Variants in TMEM164 observed in about 807,000 individuals in gnomAD.
TMEM164 encodes the protein RP13-360B22.2.
Under a neutral mutation model 18.8 loss-of-function variants are expected in TMEM164, and 4 were observed. The ratio of observed to expected loss-of-function variants is 0.21; its 90% CI spans 0.10 to 0.49. The LOEUF is 0.49. Ranked by LOEUF, TMEM164 falls within the 20% of genes least tolerant of loss-of-function variation. The pLI, the probability that TMEM164 is intolerant of heterozygous loss-of-function variation, is 0.98. For synonymous variants in TMEM164, 86 were observed against 101.7 expected (o/e 0.85, Z 0.93); for missense variants, 108 against 239.9 (o/e 0.45, Z 3.63).
chrX:110,075,704 C>CTA (rs2065660305), intron 3 of TMEM164, among the ~76,000 whole-genome samples: 1 of 111,965 alleles, frequency 8.9e-6, no homozygotes, highest in African/African-American at 3.2e-5. Context: ...TTTTATTTGA[C>CTA]TATTGAGATG....
intron 6 of TMEM164, among the ~76,000 whole-genome samples, chrX:110,172,508 G>A (rs2067244709): frequency 1.8e-5 from 2 of 111,466 alleles, no homozygotes; most frequent in Non-Finnish European, 3.8e-5. Context: ...CTTAGTCTGA[G>A]CTCCTTGCCA....
chrX:110,171,340 C>A, intron 5 of TMEM164, 80 bp from the exon 6 acceptor site: 1 of 707,855 alleles, frequency 1.4e-6, no homozygotes, highest in Non-Finnish European at 2.2e-6. Context: ...CAGCTGTGAC[C>A]TCAGTACCTG....
intron 3 of TMEM164, among the ~76,000 whole-genome samples, chrX:110,091,928 G>A (rs1378312894): frequency 8.9e-6 from 1 of 111,893 alleles, no homozygotes; most frequent in African/African-American, 3.3e-5. Flanking sequence ...TCTACATATG[G>A]TTAGCCAGTT....
rs1365546703 is a variant in TMEM164, at chrX:110,048,560, GT to G, written c.391-18774del. ...GGACCCTGAGATTTAGAGGGGCCAA[GT>G]TTTTTTTTTTTTCCAAGTCCATAGC... On this transcript the variant is annotated intron_variant, in intron 2 of 6. Transcript: ENST00000372068. Among the ~76,000 whole-genome samples the G allele has an allele frequency of 1.8e-3, 183 of 103,322 alleles. 1 individual carries two copies. Among genetic ancestry groups the G allele is most frequent in the African/African-American group, 5.5e-3 (158 of 28,691 alleles). 89.7% of individuals were successfully genotyped at this position (103,322 alleles called of 115,157 possible). A position where few individuals can be genotyped will look rare whatever the true frequency, so the allele number is the denominator to read the frequency against.
chrX:110,090,554 A>G (rs888407337), intron 3 of TMEM164, among the ~76,000 whole-genome samples: 2 of 110,879 alleles, frequency 1.8e-5, no homozygotes, highest in African/African-American at 6.6e-5. Flanking sequence ...TGACTTTGTG[A>G]TCCGCCTGTC....
chrX:110,056,338 G>A (rs1336586858), intron 2 of TMEM164, among the ~76,000 whole-genome samples: 1 of 111,924 alleles, frequency 8.9e-6, no homozygotes, highest in Non-Finnish European at 1.9e-5. Context: ...ATTCATCTGT[G>A]TTTAGCATGT....
intron 4 of TMEM164, among the ~76,000 whole-genome samples, chrX:110,129,733 C>G (rs1260630684): frequency 1.8e-5 from 2 of 112,038 alleles, no homozygotes; most frequent in African/African-American, 6.5e-5. Context: ...ACCAGGAGGA[C>G]ATTCTAATTC....
Position 110,173,527 on chromosome X carries a change from T to C in TMEM164, c.*76T>C, listed in dbSNP as rs1441063246. The C allele has an allele frequency of 5.5e-6, 5 of 902,875 alleles. No homozygotes were observed. Among genetic ancestry groups the C allele is most frequent in the Non-Finnish European group, 7.7e-6 (5 of 646,332 alleles). 74.4% of individuals were successfully genotyped at this position (902,875 alleles called of 1,213,427 possible). The stretch of plus-strand genomic sequence containing the variant: ...GACTTGGAGAACACCCAGTTCTTGA[T>C]AAAATCATGGGAGAGGGCAGTAGGA... On this transcript the variant is annotated 3_prime_UTR_variant, in exon 7 of 7. Transcript: ENST00000372068.
intron 2 of TMEM164, among the ~76,000 whole-genome samples, chrX:110,041,095 A>G (rs955874): frequency 0.039 from 4,390 of 112,136 alleles, 218 homozygotes; most frequent in African/African-American, 0.13. Context: ...TTTTACTTAA[A>G]TGAATTATCA....
intron 2 of TMEM164, among the ~76,000 whole-genome samples, chrX:110,060,227 A>G (rs1936048569): frequency 9.6e-6 from 1 of 104,677 alleles, no homozygotes; most frequent in African/African-American, 3.5e-5. Context: ...TGATCACACC[A>G]ATGCACTCCA....
chrX:110,097,353 A>G (rs1248755509), intron 3 of TMEM164, among the ~76,000 whole-genome samples: 3 of 112,654 alleles, frequency 2.7e-5, no homozygotes, highest in Non-Finnish European at 3.7e-5. Context: ...CCAGATGTCC[A>G]TCAACATGAC....
intron 4 of TMEM164, among the ~76,000 whole-genome samples, chrX:110,129,034 G>A (rs966381866): frequency 2.7e-5 from 3 of 111,154 alleles, no homozygotes; most frequent in Non-Finnish European, 5.7e-5. Flanking sequence ...TTGACTCCTG[G>A]TTTCCTGTAG....
intron 3 of TMEM164, among the ~76,000 whole-genome samples, chrX:110,085,521 A>G (rs1481443381): frequency 9.1e-6 from 1 of 110,358 alleles, no homozygotes; most frequent in Non-Finnish European, 1.9e-5. Flanking sequence ...CATCAAATAC[A>G]GGGTATGTAG....
intron 4 of TMEM164, among the ~76,000 whole-genome samples, chrX:110,134,686 C>T (rs1272221872): frequency 9.4e-6 from 1 of 106,721 alleles, no homozygotes; most frequent in East Asian, 3.0e-4. Context: ...GGGCTGTGGG[C>T]ATCTGTCCTT....
At chrX:110,105,679 GACACAC>G (rs758900532) in intron 3 of TMEM164, among the ~76,000 whole-genome samples, 4,487 of 65,326 alleles carry the variant, frequency 0.069, 132 homozygotes, top group Non-Finnish European at 0.1. Context: ...TAGAAACACA[GACACAC>G]ACACACACAC....
chrX:110,004,434 A>G (rs1378152332), intron 2 of TMEM164, among the ~76,000 whole-genome samples: 1 of 110,989 alleles, frequency 9.0e-6, no homozygotes, highest in Non-Finnish European at 1.9e-5. Flanking sequence ...CTTCCAGCCC[A>G]GCCCAACCCT....
intron 3 of TMEM164, among the ~76,000 whole-genome samples, chrX:110,093,336 A>T (rs1280834336): frequency 1.8e-5 from 2 of 111,427 alleles, no homozygotes; most frequent in African/African-American, 3.3e-5. Flanking sequence ...TTTTTGTTTG[A>T]TAGGCTATTA....
At chrX:110,060,756 T>G (rs1483427492) in intron 2 of TMEM164, among the ~76,000 whole-genome samples, 1 of 111,850 alleles carries the variant, frequency 8.9e-6, no homozygotes, top group African/African-American at 3.2e-5. Context: ...TTGACTATTT[T>G]GAAGAGTACT....
intron 2 of TMEM164, among the ~76,000 whole-genome samples, chrX:110,023,311 A>G (rs1442321710): frequency 9.1e-6 from 1 of 109,573 alleles, no homozygotes; most frequent in African/African-American, 3.3e-5. Context: ...TGACTTTTCT[A>G]CTTCAGTTCC....
Sources: gnomAD v4.1 joint callset for allele counts (sites outside exome capture counted in the v4.1 genomes callset) on GRCh38, gnomAD v4.1.1 for gene constraint, MANE v1.5 for transcripts, NCBI Gene and HGNC (gene_info 2026-07-23, HGNC 2026-07-21) for gene names.